The following MTMR3 variants were observed in gnomAD, a reference collection of about 807,000 sequenced individuals.
The protein encoded by MTMR3 is myotubularin related protein 3.
Under a neutral mutation model 132.4 loss-of-function variants are expected in MTMR3, and 32 were observed. That is an observed-to-expected ratio of 0.24 (90% CI 0.18 to 0.32). The LOEUF (loss-of-function observed/expected upper bound fraction) is 0.32, where lower values mean the gene tolerates loss of function less well. Ranked by LOEUF, MTMR3 falls within the 10% of genes least tolerant of loss-of-function variation. MTMR3 has a pLI of 1.00. For synonymous variants in MTMR3, 556 were observed against 550.3 expected (o/e 1.01, Z -0.14); for missense variants, 1,216 against 1,489.6 (o/e 0.82, Z 3.02).
At chr22:29,900,972 C>A (rs1462194365) in intron 1 of MTMR3, among the ~76,000 whole-genome samples, 2 of 152,132 alleles carry the variant, frequency 1.3e-5, no homozygotes, top group Admixed American at 1.3e-4. Flanking sequence ...CAGGTGTGAG[C>A]CACTGCGTCC....
At chr22:29,924,476 A>C (rs200414615) in intron 1 of MTMR3, among the ~76,000 whole-genome samples, 4 of 152,098 alleles carry the variant, frequency 2.6e-5, no homozygotes, top group Admixed American at 6.6e-5. Flanking sequence ...CTTTGTAGTA[A>C]GTTTTGCAGT....
At chr22:29,958,394 C>G (rs1257068047) in intron 2 of MTMR3, among the ~76,000 whole-genome samples, 1 of 152,170 alleles carries the variant, frequency 6.6e-6, no homozygotes, top group Non-Finnish European at 1.5e-5. Context: ...GATCAAACTC[C>G]TTAGCATAAC....
At position 29,970,999 on chromosome 22, in the gene MTMR3, G is replaced by T; in HGVS notation, c.-61G>T. The T allele has an allele frequency of 7.3e-7, 1 of 1,378,372 alleles. No homozygotes were observed. The highest frequency in any genetic ancestry group is 1.4e-5 in the South Asian group (1 of 73,302). 85.4% of individuals were successfully genotyped at this position (1,378,372 alleles called of 1,614,324 possible). On this transcript the variant is annotated 5_prime_UTR_variant, in exon 3 of 20. Coordinates refer to ENST00000401950, the MANE Select transcript of MTMR3 (RefSeq NM_021090.4). ...AGACTTCACCATAAGGGAAAGAAGA[G>T]AGCCTTGTTGGACACTGAAGAAGGG...
intron 1 of MTMR3, among the ~76,000 whole-genome samples, chr22:29,950,891 G>A (rs921552809): frequency 1.5e-5 from 2 of 137,592 alleles, no homozygotes; most frequent in South Asian, 2.1e-4. Context: ...AGTGGCTTAC[G>A]CCTGTAATCC....
intron 1 of MTMR3, among the ~76,000 whole-genome samples, chr22:29,925,504 AGG>A (rs957803148): frequency 1.3e-5 from 2 of 152,182 alleles, no homozygotes; most frequent in African/African-American, 4.8e-5. Context: ...TTTAAAAAGA[AGG>A]AACCAGGAGT....
chr22:29,970,316 A>G (rs2066507723), intron 2 of MTMR3, among the ~76,000 whole-genome samples: 2 of 152,026 alleles, frequency 1.3e-5, no homozygotes, highest in East Asian at 3.9e-4. Flanking sequence ...AAGAATAATG[A>G]TTTTGCATTT....
intron 11 of MTMR3, 25 bp downstream of exon 11, chr22:30,008,057 C>G (rs988013063): frequency 6.2e-7 from 1 of 1,608,368 alleles, no homozygotes; most frequent in South Asian, 1.1e-5. Context: ...GCTTTGTTCC[C>G]CATACTTTCT....
intron 1 of MTMR3, among the ~76,000 whole-genome samples, chr22:29,886,758 T>C (rs549229290): frequency 6.6e-6 from 1 of 152,334 alleles, no homozygotes; most frequent in Non-Finnish European, 1.5e-5. Flanking sequence ...ATGTTGCAAG[T>C]GTTATGTAGA....
At chr22:29,970,448 C>G (rs868716162) in intron 2 of MTMR3, among the ~76,000 whole-genome samples, 2 of 151,526 alleles carry the variant, frequency 1.3e-5, no homozygotes, top group Admixed American at 1.3e-4. Context: ...ATCCTCCCAC[C>G]TCATCCTCCT....
intron 1 of MTMR3, among the ~76,000 whole-genome samples, chr22:29,930,077 C>T (rs142740122): frequency 6.6e-6 from 1 of 152,224 alleles, no homozygotes; most frequent in Non-Finnish European, 1.5e-5. Context: ...TATTTGATTT[C>T]CAGATAATTT....
intron 12 of MTMR3, chr22:30,010,831 A>C (rs2067400763): frequency 6.6e-6 from 1 of 152,158 alleles, no homozygotes; most frequent in African/African-American, 2.4e-5. Context: ...TCAGGAAAAA[A>C]TGTTTCTCAG....
chr22:29,935,064 TG>T (rs1228410953), intron 1 of MTMR3, among the ~76,000 whole-genome samples: 1 of 152,246 alleles, frequency 6.6e-6, no homozygotes, highest in Non-Finnish European at 1.5e-5. Flanking sequence ...ACTTCTGTAA[TG>T]AAGACGTTTT....
chr22:30,008,964 A>T, intron 11 of MTMR3, 54 bp from the exon 12 acceptor site: 1 of 1,273,108 alleles, frequency 7.9e-7, no homozygotes, highest in Non-Finnish European at 1.1e-6. Context: ...AAATTTGGCC[A>T]TGTGGGCTTT....
At chr22:29,896,023 C>T (rs986033111) in intron 1 of MTMR3, among the ~76,000 whole-genome samples, 6 of 151,958 alleles carry the variant, frequency 3.9e-5, no homozygotes, top group African/African-American at 1.2e-4. Context: ...GCTTTTTCAC[C>T]TTTTGGCTGG....
intron 1 of MTMR3, among the ~76,000 whole-genome samples, chr22:29,884,551 CTTTTTTT>C (rs35960936): frequency 1.1e-3 from 70 of 62,682 alleles, no homozygotes; most frequent in African/African-American, 2.6e-3. Flanking sequence ...CAGAATGACA[CTTTTTTT>C]TTTTTTTTTT....
At position 29,991,534 on chromosome 22, in the gene MTMR3, A is replaced by G; in HGVS notation, c.324A>G (p.Gln108=). ...AGTTTTCAACCTTTGAGCAGTGTCA[A>G]GAGTGGCTGAAGAGACTGAACAACG... ...RCQFSTFEQC[Q]EWLKRLNNAI... Residue 108 remains glutamine (Q), a synonymous_variant, in exon 7 of 20, where the codon CAA becomes CAG. Coordinates refer to ENST00000401950, the MANE Select transcript of MTMR3 (RefSeq NM_021090.4). 2 of 1,613,956 alleles carry G rather than the reference A, an allele frequency of 1.2e-6. No homozygotes were observed. The highest frequency in any genetic ancestry group is 8.5e-7 in the Non-Finnish European group (1 of 1,179,936).
At chr22:29,946,766 G>A (rs941320467) in intron 1 of MTMR3, among the ~76,000 whole-genome samples, 2 of 151,454 alleles carry the variant, frequency 1.3e-5, no homozygotes, top group Admixed American at 1.3e-4. Flanking sequence ...TTTTTCTAGT[G>A]GTATGTAAAT....
rs960080230 is a variant in MTMR3, at chr22:29,936,050, C to A, written c.-137-20986C>A. On this transcript the variant is annotated intron_variant, in intron 1 of 19. Coordinates refer to ENST00000401950, the MANE Select transcript of MTMR3 (RefSeq NM_021090.4). Reference sequence around the variant, plus strand: ...TACAGGCGTGAGTCACTGTGCCCGGCCTCCATGCCCACTTTTAGGGGAAAA... The same window carrying A: ...TACAGGCGTGAGTCACTGTGCCCGGACTCCATGCCCACTTTTAGGGGAAAA... Among the ~76,000 whole-genome samples the A allele has an allele frequency of 2.0e-5, 3 of 148,922 alleles. No individual in the cohort carries two copies. In the South Asian group the frequency reaches 6.5e-4, roughly 32 times the overall value.
chr22:29,891,473 C>T (rs958905476), intron 1 of MTMR3, among the ~76,000 whole-genome samples: 1 of 151,302 alleles, frequency 6.6e-6, no homozygotes, highest in African/African-American at 2.4e-5. Flanking sequence ...TTTCTGTTAC[C>T]GAGGCTGGTG....
Sources: gnomAD v4.1 joint callset for allele counts (sites outside exome capture counted in the v4.1 genomes callset) on GRCh38, gnomAD v4.1.1 for gene constraint, MANE v1.5 for transcripts, NCBI Gene and HGNC (gene_info 2026-07-23, HGNC 2026-07-21) for gene names.